FBXO32: variants seen among roughly 807,000 people sequenced by gnomAD.
FBXO32 encodes the protein F-box protein 32, also known as F-box only protein 32.
In FBXO32, 15 loss-of-function variants were observed where a neutral mutation model predicts 48.3. The ratio of observed to expected loss-of-function variants is 0.31; its 90% CI spans 0.21 to 0.48. The LOEUF (loss-of-function observed/expected upper bound fraction) is 0.48. Ranked by LOEUF, FBXO32 falls within the 20% of genes least tolerant of loss-of-function variation. The pLI is 0.99. For missense variants in FBXO32, 309 were observed against 432.7 expected (o/e 0.71, Z 2.54); for synonymous variants, 154 against 165.9 (o/e 0.93, Z 0.55).
intron 4 of FBXO32, among the ~76,000 whole-genome samples, chr8:123,516,860 AAG>A (rs969126781): frequency 1.2e-4 from 19 of 152,156 alleles, no homozygotes; most frequent in African/African-American, 4.6e-4. Flanking sequence ...TGTCTGCTGA[AAG>A]AGGCGGGAAA....
In FBXO32 at chr8:123,513,484, G is replaced by T; in HGVS notation, c.467-102C>A. ...TCTGTATTCCACTCATGTTACCCAG[G>T]CACTGCCTCTGGGGATATGGTTTTC... On this transcript the variant is annotated intron_variant, in intron 5 of 8. Transcript: ENST00000517956. The surrounding 1 kb of genome is among the most constrained non-coding windows in gnomAD (Gnocchi z 4.3). 1.0e-6 allele frequency: 1 copy of T among 994,222 alleles called. No individual in the cohort carries two copies. The highest frequency in any genetic ancestry group is 1.5e-6 in the Non-Finnish European group (1 of 673,648). The allele number at this position is 994,222 out of a possible 1,614,324, so 61.6% of individuals were successfully genotyped here.
intron 4 of FBXO32, among the ~76,000 whole-genome samples, chr8:123,521,025 G>A (rs529327275): frequency 3.9e-5 from 6 of 152,130 alleles, no homozygotes; most frequent in Non-Finnish European, 8.8e-5. Flanking sequence ...GGCCTGCCCC[G>A]GGCTCAGAGG....
rs758919044 is a variant in FBXO32 at position 123,504,710 on chromosome 8, A to G, written c.872T>C (p.Leu291Pro). 2.5e-6 allele frequency: 4 copies of G among 1,614,130 alleles called. No homozygotes were observed. In the South Asian group the frequency reaches 4.4e-5, roughly 18 times the overall value. The stretch of plus-strand genomic sequence containing the variant: ...TTTGAAATACATCTTCTTCCAATCC[A>G]GCTGCCCTTTGTCTGACAGAATTAA... ...KRLILSDKGQ[L>P]DWKKMYFKLV... The change falls in exon 8 of 9, where the codon CTG becomes CCG. Residue 291 changes from leucine to proline, a missense_variant. By Grantham distance (98) the Leu-to-Pro change is moderately conservative. Transcript: ENST00000517956.
At chr8:123,504,456 C>T in intron 8 of FBXO32, 148 bp downstream of exon 8, 1 of 308,096 alleles carries the variant, frequency 3.2e-6, no homozygotes, top group South Asian at 4.0e-5. Context: ...CCCACCCTCC[C>T]AGGCACTGAA....
intron 4 of FBXO32, among the ~76,000 whole-genome samples, chr8:123,526,309 T>C (rs1817075362): frequency 6.6e-6 from 1 of 151,986 alleles, no homozygotes. Context: ...CACTGCAACC[T>C]TTGCCTCCCG....
intron 4 of FBXO32, among the ~76,000 whole-genome samples, chr8:123,530,792 T>G (rs1245412455): frequency 6.6e-6 from 1 of 151,166 alleles, no homozygotes; most frequent in East Asian, 2.0e-4. Flanking sequence ...TTTTTTTTTG[T>G]ATTTTTAGTA....
chr8:123,531,062 G>A (rs970142688), intron 4 of FBXO32, among the ~76,000 whole-genome samples: 2 of 129,000 alleles, frequency 1.6e-5, no homozygotes, highest in Admixed American at 8.6e-5. Flanking sequence ...TCACTGCAAT[G>A]TCTGCCTCCC....
At chr8:123,519,588 T>C (rs936838756) in intron 4 of FBXO32, among the ~76,000 whole-genome samples, 9 of 151,112 alleles carry the variant, frequency 6.0e-5, no homozygotes, top group Non-Finnish European at 1.3e-4. Context: ...TATAATAATA[T>C]GTTGTGACTG....
chr8:123,534,898 A>G, intron 1 of FBXO32, 84 bp from the exon 2 acceptor site: 2 of 780,434 alleles, frequency 2.6e-6, no homozygotes, highest in Non-Finnish European at 4.2e-6. Context: ...TCACTGAGTT[A>G]TAAGACAAAC....
At chr8:123,509,104 CTTAAT>C (rs1477313435) in intron 6 of FBXO32, among the ~76,000 whole-genome samples, 3 of 152,158 alleles carry the variant, frequency 2.0e-5, no homozygotes, top group Non-Finnish European at 4.4e-5. Context: ...ACCCAGTTCT[CTTAAT>C]TTGTTTCCTT....
intron 4 of FBXO32, among the ~76,000 whole-genome samples, chr8:123,520,192 G>T (rs1586995858): frequency 6.6e-6 from 1 of 152,170 alleles, no homozygotes; most frequent in Admixed American, 6.5e-5. Context: ...TGGATTCTTT[G>T]CCCCTAGCCA....
chr8:123,514,712 G>C (rs7824760), intron 4 of FBXO32, among the ~76,000 whole-genome samples: 1 of 152,192 alleles, frequency 6.6e-6, no homozygotes, highest in Non-Finnish European at 1.5e-5. Context: ...TTCTGCCCCC[G>C]CTTGAACTTC....
intron 3 of FBXO32, among the ~76,000 whole-genome samples, chr8:123,532,428 A>G (rs571842428): frequency 6.6e-6 from 1 of 152,310 alleles, no homozygotes; most frequent in Non-Finnish European, 1.5e-5. Flanking sequence ...CCTTATACCA[A>G]TAGTGCTTTT....
intron 4 of FBXO32, among the ~76,000 whole-genome samples, chr8:123,515,238 CTTTGT>C (rs1284290301): frequency 6.6e-6 from 1 of 152,014 alleles, no homozygotes; most frequent in African/African-American, 2.4e-5. Flanking sequence ...AAAGGGTTTT[CTTTGT>C]TTTGTTTTTT....
intron 4 of FBXO32, among the ~76,000 whole-genome samples, chr8:123,515,638 G>A (rs774817563): frequency 1.3e-5 from 2 of 152,104 alleles, no homozygotes; most frequent in Non-Finnish European, 2.9e-5. Flanking sequence ...AAGTTAGTGC[G>A]TACTTAGTCC....
At chr8:123,512,961 A>G (rs1026599996) in intron 6 of FBXO32, among the ~76,000 whole-genome samples, 8 of 152,152 alleles carry the variant, frequency 5.3e-5, no homozygotes, top group Admixed American at 1.3e-4. Context: ...CAGCTTTCCC[A>G]TAATAGTTCA....
chr8:123,521,222 G>A (rs1282276698), intron 4 of FBXO32, among the ~76,000 whole-genome samples: 1 of 152,224 alleles, frequency 6.6e-6, no homozygotes, highest in Non-Finnish European at 1.5e-5. Flanking sequence ...TCTACCCCCA[G>A]CTTGGCACAT....
At chr8:123,524,312 T>C (rs1817026788) in intron 4 of FBXO32, among the ~76,000 whole-genome samples, 1 of 152,182 alleles carries the variant, frequency 6.6e-6, no homozygotes, top group South Asian at 2.1e-4. Context: ...CACCGCAGGA[T>C]CTGCCTGTCT....
In FBXO32 at chr8:123,513,237, G is replaced by A; in HGVS notation, c.612C>T (p.Leu204=). The A allele has an allele frequency of 1.2e-6, 2 of 1,614,116 alleles. No homozygotes were observed. The highest frequency in any genetic ancestry group is 2.2e-5 in the South Asian group (2 of 91,082). ...TGTTGTTCAGCTGCTGCTGCCAGTG[G>A]AGAATCGTCTCCATCCGATACACCC... is the stretch of plus-strand genomic sequence containing the variant. ...NMWVYRMETI[L]HWQQQLNNIQ... is the part of the protein sequence containing the mutation. The change falls in exon 6 of 9, where the codon CTC becomes CTT. Residue 204 remains leucine, a synonymous_variant. Transcript: ENST00000517956. This position sits in a 1 kb window ranked among gnomAD's most constrained non-coding sequence, Gnocchi z 4.3.
Sources: gnomAD v4.1 joint callset for allele counts (sites outside exome capture counted in the v4.1 genomes callset) on GRCh38, gnomAD v4.1.1 for gene constraint, Gnocchi (gnomAD v3.1) non-coding constraint, MANE v1.5 for transcripts, NCBI Gene and HGNC (gene_info 2026-07-23, HGNC 2026-07-21) for gene names.